The following RIMS2 variants were observed in gnomAD, a reference collection of about 807,000 sequenced individuals.
RIMS2 encodes regulating synaptic membrane exocytosis 2.
In RIMS2, 59 loss-of-function variants were observed where a neutral mutation model predicts 174.4. That is an observed-to-expected ratio of 0.34 (90% CI 0.27 to 0.42). The LOEUF (loss-of-function observed/expected upper bound fraction) is 0.42. Ranked by LOEUF, RIMS2 falls within the 10% of genes least tolerant of loss-of-function variation. The pLI is 1.00. For missense variants in RIMS2, 1,620 were observed against 1,666.3 expected, an observed-to-expected ratio of 0.97 and a Z score of 0.48; for synonymous variants, 606 against 572.5, an observed-to-expected ratio of 1.06 and a Z score of -0.84.
chr8:104,169,048 C>G (rs2098815113), intron 19 of RIMS2, among the ~76,000 whole-genome samples: 1 of 151,860 alleles, frequency 6.6e-6, no homozygotes, highest in Admixed American at 6.6e-5. Context: ...ATTTGGTCAG[C>G]TAGTATTTTG....
chr8:103,669,252 G>T (rs988178906), intron 1 of RIMS2, among the ~76,000 whole-genome samples: 8 of 151,916 alleles, frequency 5.3e-5, no homozygotes, highest in African/African-American at 1.5e-4. Flanking sequence ...AACTGTATAG[G>T]GAAAACTGCC....
intron 3 of RIMS2, among the ~76,000 whole-genome samples, chr8:103,846,742 G>A (rs74707320): frequency 0.015 from 2,258 of 152,224 alleles, 17 homozygotes; most frequent in Non-Finnish European, 0.024. Context: ...CCAGGATTCT[G>A]TGCTCACAAT....
intron 19 of RIMS2, among the ~76,000 whole-genome samples, chr8:104,083,123 A>G (rs2097456841): frequency 6.6e-6 from 1 of 152,158 alleles, no homozygotes; most frequent in Non-Finnish European, 1.5e-5. Context: ...TCAGACTTCC[A>G]ACAGAATATA....
At chr8:103,555,618 G>C (rs976412731) in intron 1 of RIMS2, among the ~76,000 whole-genome samples, 4 of 151,942 alleles carry the variant, frequency 2.6e-5, no homozygotes, top group South Asian at 2.1e-4. Context: ...TCAACCTAAG[G>C]GTTCATCAAC....
intron 19 of RIMS2, among the ~76,000 whole-genome samples, chr8:104,106,037 C>CAAAAAAAAAAAAAAAAAAAAAAAAAAAAA (rs575916023): frequency 1.8e-5 from 1 of 56,916 alleles, no homozygotes; most frequent in African/African-American, 5.9e-5. Context: ...GACTCTGCCA[C>CAAAAAAAAAAAAAAAAAAAAAAAAAAAAA]AAAAAAAAAA....
intron 1 of RIMS2, among the ~76,000 whole-genome samples, chr8:103,518,248 A>G (rs1256326181): frequency 6.6e-6 from 1 of 152,088 alleles, no homozygotes; most frequent in Non-Finnish European, 1.5e-5. Flanking sequence ...GACTGTATAA[A>G]TAATTTATGC....
intron 2 of RIMS2, among the ~76,000 whole-genome samples, chr8:103,757,570 G>A (rs1203756810): frequency 6.6e-6 from 1 of 152,014 alleles, no homozygotes; most frequent in Non-Finnish European, 1.5e-5. Context: ...TCTATGGTAG[G>A]CAGAAAAATG....
At chr8:104,230,079 A>G (rs2139168985) in intron 19 of RIMS2, among the ~76,000 whole-genome samples, 1 of 151,692 alleles carries the variant, frequency 6.6e-6, no homozygotes, top group East Asian at 2.0e-4. Flanking sequence ...CGGGAGTTCA[A>G]GACCAGCCTG....
chr8:103,792,827 T>G (rs780505671), intron 3 of RIMS2, among the ~76,000 whole-genome samples: 2 of 151,032 alleles, frequency 1.3e-5, no homozygotes, highest in Non-Finnish European at 3.0e-5. Flanking sequence ...AACTAGAAAA[T>G]CCGAAAGAAA....
intron 1 of RIMS2, among the ~76,000 whole-genome samples, chr8:103,666,275 GCAGT>G (rs2096667586): frequency 6.6e-6 from 1 of 152,192 alleles, no homozygotes; most frequent in South Asian, 2.1e-4. Flanking sequence ...AGAGTAAGTT[GCAGT>G]CTGTTTATAC....
chr8:103,600,495 T>G (rs931379157), intron 1 of RIMS2, among the ~76,000 whole-genome samples: 1 of 152,202 alleles, frequency 6.6e-6, no homozygotes, highest in Non-Finnish European at 1.5e-5. Context: ...GGTCTTGAAC[T>G]CCTGACCTCA....
At chr8:103,794,911 C>T (rs548519191) in intron 3 of RIMS2, among the ~76,000 whole-genome samples, 3 of 152,212 alleles carry the variant, frequency 2.0e-5, no homozygotes, top group Admixed American at 1.3e-4. Flanking sequence ...GTTAGAATGG[C>T]GATCATTAAA....
intron 1 of RIMS2, among the ~76,000 whole-genome samples, chr8:103,660,407 G>A (rs2096584453): frequency 6.6e-6 from 1 of 152,168 alleles, no homozygotes; most frequent in Non-Finnish European, 1.5e-5. Flanking sequence ...TTCTGTAGGT[G>A]CCATCTCTAC....
chr8:103,992,831 T>A (rs984573616), intron 17 of RIMS2, among the ~76,000 whole-genome samples: 2 of 152,204 alleles, frequency 1.3e-5, no homozygotes, highest in African/African-American at 4.8e-5. Context: ...AAGCATATCT[T>A]TCATCTCCTA....
intron 1 of RIMS2, among the ~76,000 whole-genome samples, chr8:103,693,782 G>A (rs919529742): frequency 6.6e-6 from 1 of 152,108 alleles, no homozygotes; most frequent in Non-Finnish European, 1.5e-5. Flanking sequence ...CCTCTGTTGT[G>A]GGCCGATTCA....
chr8:104,179,202 G>A (rs1208539992), intron 19 of RIMS2, among the ~76,000 whole-genome samples: 1 of 151,988 alleles, frequency 6.6e-6, no homozygotes, highest in Non-Finnish European at 1.5e-5. Flanking sequence ...TCAAATAGAT[G>A]TCTCCTATGA....
rs1172806573 is a variant in RIMS2 at position 103,836,086 on chromosome 8, CA to C, written c.699-49211del. Among the ~76,000 whole-genome samples, 12 of 152,178 alleles carry C rather than the reference CA, an allele frequency of 7.9e-5. No individual in the cohort carries two copies. The East Asian group carries it at 2.3e-3, about 29-fold the overall frequency. ...GGGCATCTATTACAAAGACAATTTA[CA>C]GAGGGAATTTTTAAAGGAAATTTGA... On this transcript the variant is annotated intron_variant, in intron 3 of 23. Coordinates refer to ENST00000504942, the Ensembl canonical transcript of RIMS2.
At chr8:103,619,264 A>G (rs1029685003) in intron 1 of RIMS2, among the ~76,000 whole-genome samples, 8 of 142,122 alleles carry the variant, frequency 5.6e-5, no homozygotes, top group African/African-American at 2.1e-4. Context: ...TGTAAAAACT[A>G]TTTCAGAAAA....
intron 1 of RIMS2, among the ~76,000 whole-genome samples, chr8:103,544,527 G>A (rs915641684): frequency 2.0e-5 from 3 of 152,156 alleles, no homozygotes; most frequent in Non-Finnish European, 4.4e-5. Context: ...TAGATGGCAG[G>A]GCAGGCAACT....
Sources: allele counts gnomAD v4.1 joint callset (sites outside exome capture counted in the v4.1 genomes callset), GRCh38; gene constraint gnomAD v4.1.1; transcripts MANE v1.5; gene names NCBI Gene and HGNC (gene_info 2026-07-23, HGNC 2026-07-21).